DLG5: variants seen among roughly 807,000 people sequenced by gnomAD.
The protein encoded by DLG5 is disks large homolog 5.
In DLG5, 48 loss-of-function variants were observed where a neutral mutation model predicts 189.8. The ratio of observed to expected loss-of-function variants is 0.25; its 90% confidence interval spans 0.20 to 0.32. The LOEUF (loss-of-function observed/expected upper bound fraction) is 0.32, where lower values mean the gene tolerates loss of function less well. Ranked by LOEUF, DLG5 falls within the 10% of genes least tolerant of loss-of-function variation. The pLI, the probability that DLG5 is intolerant of heterozygous loss-of-function variation, is 1.00. For missense variants in DLG5, 2,160 were observed against 2,544.7 expected (o/e 0.85, Z 3.25); for synonymous variants, 1,016 against 1,054.1 (o/e 0.96, Z 0.70).
chr10:77,836,009 G>C (rs915780836), intron 7 of DLG5, 87 bp from the exon 8 acceptor site: 1 of 1,408,356 alleles, frequency 7.1e-7, no homozygotes, highest in African/African-American at 1.4e-5. Flanking sequence ...GGCCAAGGCT[G>C]AGGCTCTAGG....
chr10:77,813,153 G>GTGA (rs1476286875), intron 20 of DLG5, among the ~76,000 whole-genome samples: 2 of 152,250 alleles, frequency 1.3e-5, no homozygotes, highest in African/African-American at 4.8e-5. Context: ...AGACAGTCAA[G>GTGA]TGATGCGGAG....
chr10:77,914,551 G>A (rs1042600035), intron 1 of DLG5, among the ~76,000 whole-genome samples: 3 of 152,146 alleles, frequency 2.0e-5, no homozygotes, highest in African/African-American at 7.2e-5. Flanking sequence ...CCCAGTCTGT[G>A]GGGGTCCCCA....
intron 1 of DLG5, among the ~76,000 whole-genome samples, chr10:77,909,851 G>A (rs1319421792): frequency 1.3e-5 from 2 of 152,060 alleles, no homozygotes; most frequent in Non-Finnish European, 2.9e-5. Context: ...GGCTATCAGG[G>A]TGGGTCCCAA....
intron 5 of DLG5, among the ~76,000 whole-genome samples, chr10:77,850,146 C>T (rs1257951164): frequency 6.6e-6 from 1 of 152,208 alleles, no homozygotes; most frequent in African/African-American, 2.4e-5. Context: ...GCCACTACCA[C>T]TATCTAATTC....
At chr10:77,834,903 C>T (rs1843050760) in intron 8 of DLG5, among the ~76,000 whole-genome samples, 1 of 152,118 alleles carries the variant, frequency 6.6e-6, no homozygotes, top group South Asian at 2.1e-4. Flanking sequence ...CCTGACCAGC[C>T]CCTAGAGACA....
chr10:77,869,606 C>T (rs1844820815), intron 1 of DLG5: 1 of 221,182 alleles, frequency 4.5e-6, no homozygotes, highest in Non-Finnish European at 8.8e-6. Flanking sequence ...AACAACTGAA[C>T]TATCTGTTCT....
intron 8 of DLG5, 30 bp downstream of exon 8, chr10:77,835,708 A>G (rs1456306997): frequency 1.9e-6 from 3 of 1,584,880 alleles, no homozygotes; most frequent in Non-Finnish European, 2.6e-6. Context: ...GGGAGACGCA[A>G]GCCCACGCCA....
chr10:77,812,450 C>A, intron 20 of DLG5, 73 bp from the exon 21 acceptor site: 3 of 1,539,896 alleles, frequency 1.9e-6, no homozygotes, highest in Non-Finnish European at 1.8e-6. Context: ...GCTCTCTGAT[C>A]AGGCATATGA....
At chr10:77,841,805 A>G in intron 7 of DLG5, 76 bp downstream of exon 7, 1 of 1,517,798 alleles carries the variant, frequency 6.6e-7, no homozygotes, top group East Asian at 2.3e-5. Context: ...TAATCCGGAC[A>G]CCACGCACTC....
intron 8 of DLG5, among the ~76,000 whole-genome samples, chr10:77,834,669 TC>T (rs1215279696): frequency 6.6e-6 from 1 of 152,018 alleles, no homozygotes; most frequent in Non-Finnish European, 1.5e-5. Context: ...CTGTGCCACC[TC>T]CAGAAATGGA....
chr10:77,906,448 A>G (rs1416580684), intron 1 of DLG5, among the ~76,000 whole-genome samples: 7 of 152,142 alleles, frequency 4.6e-5, no homozygotes, highest in Non-Finnish European at 1.0e-4. Flanking sequence ...CTGCTCATTG[A>G]TAAGTCTCCA....
upstream of DLG5, among the ~76,000 whole-genome samples, chr10:77,930,341 T>A (rs184369225): frequency 8.5e-5 from 13 of 152,210 alleles, no homozygotes; most frequent in African/African-American, 2.4e-4. Context: ...TTGCTTTTTT[T>A]AAATTTATTT....
At chr10:77,929,398 T>C (rs1044399700), upstream of DLG5, 4 of 152,216 alleles carry the variant, frequency 2.6e-5, no homozygotes, top group African/African-American at 9.7e-5. Flanking sequence ...CTGCAGCATT[T>C]TATACCTTCT....
In DLG5 at chr10:77,842,133, C is replaced by G. The variant is rs1843449365; in HGVS notation, c.1185G>C (p.Trp395Cys). The part of the protein sequence containing the change: ...KATAQNKDLQ[W>C]EMELLQSELT... ...GCTCTGACTGCAGCAGCTCCATCTC[C>G]CACTGCAGGTCCTTGTTCTGCGCCG... Residue 395 changes from tryptophan (W) to cysteine (C), a missense_variant, in exon 7 of 32, where the codon TGG becomes TGC. Around this residue, in one of 5 missense-constraint regions of DLG5, gnomAD observed 664 missense variants for 838.5 expected, o/e 0.79. Coordinates refer to ENST00000372391, the MANE Select transcript of DLG5 (RefSeq NM_004747.4). The G allele has an allele frequency of 6.2e-7, 1 of 1,611,414 alleles. No individual in the cohort carries two copies. Among genetic ancestry groups the G allele is most frequent in the African/African-American group, 1.3e-5 (1 of 74,954 alleles).
chr10:77,870,781 G>T (rs899285622), intron 1 of DLG5, among the ~76,000 whole-genome samples: 1 of 152,118 alleles, frequency 6.6e-6, no homozygotes, highest in Non-Finnish European at 1.5e-5. Flanking sequence ...AAGAAATGGG[G>T]GTAAATGGGG....
chr10:77,812,529 G>A (rs1308996919), intron 20 of DLG5, 152 bp from the exon 21 acceptor site: 3 of 868,372 alleles, frequency 3.5e-6, no homozygotes, highest in Admixed American at 2.8e-5. Context: ...GGGACATGGT[G>A]GGCCCACCCC....
rs149898645 is a variant in DLG5 at position 77,850,761 on chromosome 10, G to A, written c.864+2593C>T. Among the ~76,000 whole-genome samples, 307 of 152,240 alleles carry A rather than the reference G, an allele frequency of 2.0e-3. 1 individual carries two copies. The highest frequency in any genetic ancestry group is 6.9e-3 in the African/African-American group (286 of 41,550). On this transcript the variant is annotated intron_variant, in intron 5 of 31. Transcript: ENST00000372391. ...CACTGACTGAGCGCCTCATACACAC[G>A]GGCACGCGGCGCCAGTGCCTTCTAC...
chr10:77,925,805 GTA>G (rs1846668879), intron 1 of DLG5, among the ~76,000 whole-genome samples: 1 of 152,144 alleles, frequency 6.6e-6, no homozygotes, highest in African/African-American at 2.4e-5. Flanking sequence ...AAACTTAAGA[GTA>G]GGGGTCCTGG....
Position 77,834,098 on chromosome 10 carries a change from G to C in DLG5, c.1623-59C>G, listed in dbSNP as rs560343764. On this transcript the variant is annotated intron_variant, in intron 8 of 31. Transcript: ENST00000372391. ...AGAGGCATGGGGAAGGGGGTTCCTGGTCTGCAGCGGATGGTCTGGCCACCT... is the reference window on the plus strand; with the variant it reads ...AGAGGCATGGGGAAGGGGGTTCCTGCTCTGCAGCGGATGGTCTGGCCACCT... The C allele has an allele frequency of 4.5e-6, 7 of 1,568,900 alleles. No homozygotes were observed. The East Asian group carries it at 1.4e-4, about 30-fold the overall frequency.
Sources: allele counts gnomAD v4.1 joint callset (sites outside exome capture counted in the v4.1 genomes callset), GRCh38; gene constraint gnomAD v4.1.1; regional missense constraint gnomAD v4.1.1; transcripts MANE v1.5; gene names NCBI Gene and HGNC (gene_info 2026-07-23, HGNC 2026-07-21).